AKAP7: variants seen among roughly 807,000 people sequenced by gnomAD.
The protein encoded by AKAP7 is A-kinase anchoring protein 7.
In AKAP7, 39 loss-of-function variants were observed where a neutral mutation model predicts 39.5. The observed-to-expected ratio is 0.99, with a 90% CI of 0.76 to 1.29. AKAP7 has a LOEUF of 1.29. Among genes scored for constraint, AKAP7 ranks in the 50% most tolerant of loss-of-function variants. The probability of loss-of-function intolerance (pLI) is 0.00; values close to 1 mark genes in which losing one functional copy is unlikely to be tolerated. For synonymous variants in AKAP7, 140 were observed against 139.1 expected (o/e 1.01, Z -0.05); for missense variants, 414 against 407.7 (o/e 1.02, Z -0.13).
At position 131,145,481 on chromosome 6, in the gene AKAP7, A is replaced by AT. The variant is rs1325620819; in HGVS notation, c.151+72dup. Reference sequence around the variant, plus strand: ...GAGTAGTAAATTTAGTTATATATATATTTTTTTCTTTATAAGTTGTTTCAC... The same window carrying AT: ...GAGTAGTAAATTTAGTTATATATATATTTTTTTTCTTTATAAGTTGTTTCAC... On this transcript the variant is annotated intron_variant, in intron 2 of 7. Transcript: ENST00000431975. 6 of 1,094,944 alleles carry AT rather than the reference A, an allele frequency of 5.5e-6. No individual in the cohort carries two copies. In the South Asian group the frequency reaches 1.9e-4, roughly 35 times the overall value. 67.8% of individuals were successfully genotyped at this position (1,094,944 alleles called of 1,614,324 possible).
intron 7 of AKAP7, among the ~76,000 whole-genome samples, chr6:131,241,627 G>GTGTATATATATA: frequency 1.0e-4 from 9 of 86,670 alleles, no homozygotes; most frequent in African/African-American, 4.0e-4. Flanking sequence ...GTGTGTGTGT[G>GTGTATATATATA]TATATATATA....
chr6:131,243,010 A>G (rs766150578), intron 7 of AKAP7, among the ~76,000 whole-genome samples: 67 of 152,196 alleles, frequency 4.4e-4, no homozygotes, highest in Admixed American at 6.5e-4. Context: ...ACCATTTTTT[A>G]GCTGCCAAGT....
chr6:131,217,531 C>T (rs1407126901), intron 6 of AKAP7, among the ~76,000 whole-genome samples: 2 of 152,044 alleles, frequency 1.3e-5, no homozygotes, highest in Non-Finnish European at 2.9e-5. Flanking sequence ...ATTTCGGTGC[C>T]TTCAAAAGGC....
upstream of AKAP7, among the ~76,000 whole-genome samples, chr6:131,130,504 C>G (rs753276192): frequency 6.6e-6 from 1 of 152,200 alleles, no homozygotes; most frequent in Non-Finnish European, 1.5e-5. Flanking sequence ...CCATGTTGGT[C>G]AGGCTGGTAT....
upstream of AKAP7, among the ~76,000 whole-genome samples, chr6:131,130,687 G>A (rs1187253269): frequency 1.3e-5 from 2 of 152,198 alleles, no homozygotes; most frequent in African/African-American, 4.8e-5. Flanking sequence ...TGATGTGCGC[G>A]AGGGCAGAGG....
intron 7 of AKAP7, among the ~76,000 whole-genome samples, chr6:131,255,539 T>G (rs13206776): frequency 0.28 from 42,658 of 152,100 alleles, 6,545 homozygotes; most frequent in Middle Eastern, 0.39. Context: ...AAAATGTGTT[T>G]GCCCACAGGG....
intron 7 of AKAP7, among the ~76,000 whole-genome samples, chr6:131,232,930 TTTA>T (rs1810748535): frequency 6.7e-6 from 1 of 149,272 alleles, no homozygotes; most frequent in African/African-American, 2.4e-5. Context: ...AATAATAATA[TTTA>T]TTATTAAAGA....
intron 3 of AKAP7, among the ~76,000 whole-genome samples, chr6:131,164,013 T>C (rs1803233822): frequency 6.6e-6 from 1 of 152,090 alleles, no homozygotes; most frequent in South Asian, 2.1e-4. Context: ...CAATGGGAAG[T>C]GAGATCCAAG....
chr6:131,265,787 C>T (rs1316878571), intron 7 of AKAP7, among the ~76,000 whole-genome samples: 1 of 152,144 alleles, frequency 6.6e-6, no homozygotes, highest in African/African-American at 2.4e-5. Context: ...TAGACTTCGG[C>T]AAGTCTCATG....
intron 7 of AKAP7, among the ~76,000 whole-genome samples, chr6:131,275,285 A>G (rs1814655910): frequency 6.6e-6 from 1 of 152,168 alleles, no homozygotes. Flanking sequence ...TCCTTATAAC[A>G]TCAATGCAAT....
chr6:131,268,515 T>A (rs1468443555), intron 7 of AKAP7, among the ~76,000 whole-genome samples: 1 of 152,188 alleles, frequency 6.6e-6, no homozygotes, highest in Non-Finnish European at 1.5e-5. Context: ...GCTGGCATCA[T>A]GGGAATTTTC....
intron 6 of AKAP7, among the ~76,000 whole-genome samples, chr6:131,212,873 G>A (rs964788959): frequency 6.6e-6 from 1 of 152,190 alleles, no homozygotes; most frequent in Non-Finnish European, 1.5e-5. Context: ...TGGGGCAGGA[G>A]GATCTGGGAA....
chr6:131,184,852 C>T lies in AKAP7; in HGVS notation c.590-14609C>T. The stretch of plus-strand genomic sequence containing the variant: ...GCCTGGTCGGTTCTTGTAACGTTTT[C>T]CACAAATGTCACAGGCATAGGGCTT... On this transcript the variant is annotated intron_variant, in intron 5 of 7. Coordinates refer to ENST00000431975, the MANE Select transcript of AKAP7 (RefSeq NM_016377.4). 4 of 1,453,964 alleles carry T rather than the reference C, an allele frequency of 2.8e-6. No individual in the cohort carries two copies. The Middle Eastern group carries it at 5.3e-4, about 192-fold the overall frequency. 90.1% of individuals were successfully genotyped at this position (1,453,964 alleles called of 1,614,324 possible).
At position 131,165,740 on chromosome 6, in the gene AKAP7, C is replaced by T. The variant is rs186487089; in HGVS notation, c.428+523C>T. 2.0e-5 allele frequency among the ~76,000 whole-genome samples: 3 copies of T among 152,234 alleles called. No homozygotes were observed. The East Asian group carries it at 5.8e-4, about 29-fold the overall frequency. On this transcript the variant is annotated intron_variant, in intron 4 of 7. Coordinates refer to ENST00000431975, the MANE Select transcript of AKAP7 (RefSeq NM_016377.4). Reference sequence around the variant, plus strand: ...TTTTAGAGTCACTGTACTCTACCTACCCCCACCGCCCCCATGCCAGGGTTC... The same window carrying T: ...TTTTAGAGTCACTGTACTCTACCTATCCCCACCGCCCCCATGCCAGGGTTC...
intron 7 of AKAP7, among the ~76,000 whole-genome samples, chr6:131,256,042 G>A (rs765039669): frequency 2.6e-5 from 4 of 152,212 alleles, no homozygotes; most frequent in East Asian, 1.9e-4. Context: ...AGCCAGAAGT[G>A]TGGGGGATTT....
intron 7 of AKAP7, among the ~76,000 whole-genome samples, chr6:131,233,279 TAC>T (rs1455096536): frequency 6.6e-6 from 1 of 152,142 alleles, no homozygotes; most frequent in East Asian, 1.9e-4. Context: ...GAGCTCAAAC[TAC>T]AGAGGAAAGC....
chr6:131,247,326 CTTTTT>C (rs539406845), intron 7 of AKAP7, among the ~76,000 whole-genome samples: 1 of 58,164 alleles, frequency 1.7e-5, no homozygotes, highest in Non-Finnish European at 3.3e-5. Context: ...TTTTTTTTTT[CTTTTT>C]TTTTTTTTTT....
At chr6:131,250,704 T>C in intron 7 of AKAP7, 1 of 1,349,006 alleles carries the variant, frequency 7.4e-7, no homozygotes, top group Non-Finnish European at 1.1e-6. Context: ...CTTTTTTTAA[T>C]GGGAAGGATA....
At chr6:131,206,803 A>G (rs977982824) in intron 6 of AKAP7, among the ~76,000 whole-genome samples, 8 of 151,862 alleles carry the variant, frequency 5.3e-5, no homozygotes, top group Admixed American at 1.3e-4. Flanking sequence ...CTATCTATCT[A>G]TCTATCTCTG....
Sources: gnomAD v4.1 joint callset for allele counts (sites outside exome capture counted in the v4.1 genomes callset) on GRCh38, gnomAD v4.1.1 for gene constraint, MANE v1.5 for transcripts, NCBI Gene and HGNC (gene_info 2026-07-23, HGNC 2026-07-21) for gene names.